The following PDE10A variants were observed in gnomAD, a reference collection of about 807,000 sequenced individuals.
The protein encoded by PDE10A is cAMP and cAMP-inhibited cGMP 3',5'-cyclic phosphodiesterase 10A.
A neutral mutation model predicts 97.7 loss-of-function variants in PDE10A; 39 were observed. The ratio of observed to expected loss-of-function variants is 0.40; its 90% CI spans 0.31 to 0.52. The LOEUF (loss-of-function observed/expected upper bound fraction) is 0.52. Ranked by LOEUF, PDE10A falls within the 20% of genes least tolerant of loss-of-function variation. The pLI, the probability that PDE10A is intolerant of heterozygous loss-of-function variation, is 0.56. For missense variants in PDE10A, 731 were observed against 1,047.8 expected (o/e 0.70, Z 4.17); for synonymous variants, 371 against 376.8 (o/e 0.98, Z 0.18).
chr6:165,884,809 G>A (rs1449902607), intron 1 of PDE10A, among the ~76,000 whole-genome samples: 1 of 152,172 alleles, frequency 6.6e-6, no homozygotes, highest in Non-Finnish European at 1.5e-5. Context: ...TGCAATGAGC[G>A]AGGCTTTGTT....
chr6:165,619,564 ATACTGTAGTCTAGCGTAGTG>A (rs1788004713), intron 1 of PDE10A, among the ~76,000 whole-genome samples: 3 of 4,426 alleles, frequency 6.8e-4, no homozygotes, highest in African/African-American at 8.3e-4. Context: ...CTAGTGTAGT[ATACTGTAGTCTAGCGTAGTG>A]TACTGTAGTC....
At chr6:165,561,214 A>G (rs1403325521) in intron 1 of PDE10A, among the ~76,000 whole-genome samples, 1 of 149,970 alleles carries the variant, frequency 6.7e-6, no homozygotes, top group East Asian at 1.9e-4. Flanking sequence ...GCAAGACTCC[A>G]ACTCAAAAAA....
chr6:165,371,882 A>T (rs1482705484), intron 18 of PDE10A, among the ~76,000 whole-genome samples: 1 of 152,132 alleles, frequency 6.6e-6, no homozygotes, highest in Non-Finnish European at 1.5e-5. Flanking sequence ...ATCCACCATG[A>T]GCAAGTGAGC....
Position 165,388,857 on chromosome 6 carries a change from C to T in PDE10A, c.2455-404G>A, listed in dbSNP as rs1463922678. Among the ~76,000 whole-genome samples the T allele has an allele frequency of 6.6e-6, 1 of 152,072 alleles. No homozygotes were observed. Among genetic ancestry groups the T allele is most frequent in the Non-Finnish European group, 1.5e-5 (1 of 68,030 alleles). ...ATGTTAAATTCTAACAATGCTATTG[C>T]TATTATAAACAATAAATATAACAGG... is the stretch of plus-strand genomic sequence containing the variant. On this transcript the variant is annotated intron_variant, in intron 16 of 21. Coordinates refer to ENST00000539869, the MANE Select transcript of PDE10A (RefSeq NM_001385079.1). The surrounding 1 kb of genome is among the most constrained non-coding windows in gnomAD (Gnocchi z 4.0).
intron 2 of PDE10A, among the ~76,000 whole-genome samples, chr6:165,529,120 T>C (rs1219516047): frequency 6.6e-6 from 1 of 152,128 alleles, no homozygotes; most frequent in Non-Finnish European, 1.5e-5. Flanking sequence ...AACGATTCCA[T>C]TAAACTGGAA....
intron 1 of PDE10A, among the ~76,000 whole-genome samples, chr6:165,584,169 C>T (rs988410170): frequency 6.6e-6 from 1 of 152,180 alleles, no homozygotes; most frequent in Non-Finnish European, 1.5e-5. Flanking sequence ...CCTGGCAGCC[C>T]TCATGGAGAA....
intron 1 of PDE10A, among the ~76,000 whole-genome samples, chr6:165,681,785 C>A (rs937797535): frequency 6.6e-6 from 1 of 152,202 alleles, no homozygotes; most frequent in Non-Finnish European, 1.5e-5. Context: ...GTTGGTTTTA[C>A]AAACTGCTCC....
intron 13 of PDE10A, among the ~76,000 whole-genome samples, chr6:165,398,884 CT>C (rs1786404422): frequency 6.6e-6 from 1 of 152,118 alleles, no homozygotes; most frequent in South Asian, 2.1e-4. Flanking sequence ...AAGTCAAAGA[CT>C]GTCAGATTGA....
chr6:165,462,547 C>T lies in PDE10A; in HGVS notation c.1024-12185G>A, dbSNP rs139740086. On this transcript the variant is annotated intron_variant, in intron 3 of 21. Coordinates refer to ENST00000539869, the MANE Select transcript of PDE10A (RefSeq NM_001385079.1). Reference sequence around the variant, plus strand: ...CTAAAACCTTATCATGAGCCAGATGCCGAGGAAGAGATTCTGGGAGGATCC... The same window carrying T: ...CTAAAACCTTATCATGAGCCAGATGTCGAGGAAGAGATTCTGGGAGGATCC... Among the ~76,000 whole-genome samples the T allele has an allele frequency of 3.7e-3, 565 of 152,284 alleles. 7 individuals carry two copies. The highest frequency in any genetic ancestry group is 0.013 in the African/African-American group (543 of 41,556).
chr6:165,440,263 GCAAA>G (rs1227360260), intron 5 of PDE10A, among the ~76,000 whole-genome samples: 1 of 152,156 alleles, frequency 6.6e-6, no homozygotes, highest in African/African-American at 2.4e-5. Context: ...CTTGAAGAAG[GCAAA>G]CAATTACTAT....
rs544139065 is a variant in PDE10A at position 165,337,348 on chromosome 6, A to G, written c.2977-1137T>C. Among the ~76,000 whole-genome samples, 4 of 152,302 alleles carry G rather than the reference A, an allele frequency of 2.6e-5. No individual in the cohort carries two copies. In the South Asian group the frequency reaches 6.2e-4, roughly 24 times the overall value. Reference sequence around the variant, plus strand: ...AGGTGACCCCAAATCACAGCTTACCAATTTCTCGAAAGTACTGAACTTCAG... The same window carrying G: ...AGGTGACCCCAAATCACAGCTTACCGATTTCTCGAAAGTACTGAACTTCAG... On this transcript the variant is annotated intron_variant, in intron 20 of 21. Transcript: ENST00000539869.
intron 1 of PDE10A, among the ~76,000 whole-genome samples, chr6:165,639,576 A>G (rs1285044947): frequency 1.3e-5 from 2 of 151,866 alleles, no homozygotes; most frequent in Non-Finnish European, 2.9e-5. Context: ...CATCTCTACT[A>G]AAAATACAAA....
rs114843583 is a variant in PDE10A, at chr6:165,335,710, C to T, written c.3065+413G>A. On this transcript the variant is annotated intron_variant, in intron 21 of 21. Coordinates refer to ENST00000539869, the MANE Select transcript of PDE10A (RefSeq NM_001385079.1). ...GCCTTGCAAGAACCACACACATGCCCTTTCTCAAAGAAAGACCTGGCACCC... is the reference window on the plus strand; with the variant it reads ...GCCTTGCAAGAACCACACACATGCCTTTTCTCAAAGAAAGACCTGGCACCC... 4.4e-3 allele frequency among the ~76,000 whole-genome samples: 668 copies of T among 152,168 alleles called. 7 individuals are homozygous for T. Among genetic ancestry groups the T allele is most frequent in the African/African-American group, 0.015 (623 of 41,520 alleles).
At chr6:165,955,934 G>A (rs1200706196) in intron 1 of PDE10A, among the ~76,000 whole-genome samples, 1 of 152,174 alleles carries the variant, frequency 6.6e-6, no homozygotes, top group East Asian at 1.9e-4. Flanking sequence ...GAAGCATCTT[G>A]TATGTTTTGT....
chr6:165,890,336 T>C (rs1034953776), intron 1 of PDE10A, among the ~76,000 whole-genome samples: 4 of 152,108 alleles, frequency 2.6e-5, no homozygotes, highest in Non-Finnish European at 4.4e-5. Flanking sequence ...ACCCTGTCAA[T>C]AGCATTTACT....
chr6:165,450,556 CTATT>C (rs573748805), intron 3 of PDE10A, among the ~76,000 whole-genome samples, 194 bp from the exon 4 acceptor site: 2 of 151,624 alleles, frequency 1.3e-5, no homozygotes, highest in East Asian at 1.9e-4. Flanking sequence ...ATTGCTATGA[CTATT>C]TATTTATTTA....
intron 2 of PDE10A, among the ~76,000 whole-genome samples, chr6:165,495,680 G>A (rs895104071): frequency 1.3e-5 from 2 of 151,950 alleles, no homozygotes; most frequent in Admixed American, 6.6e-5. Flanking sequence ...GCTCTAATCT[G>A]GTTTGACTCT....
At chr6:165,508,431 A>G (rs974463590) in intron 2 of PDE10A, among the ~76,000 whole-genome samples, 14 of 151,904 alleles carry the variant, frequency 9.2e-5, no homozygotes, top group Non-Finnish European at 1.9e-4. Context: ...ATTCCTTTGC[A>G]TGAATATACC....
chr6:165,794,368 C>T (rs1778763209), intron 1 of PDE10A, among the ~76,000 whole-genome samples: 1 of 151,786 alleles, frequency 6.6e-6, no homozygotes, highest in Non-Finnish European at 1.5e-5. Flanking sequence ...CTCACACACA[C>T]TCATACAATC....
Sources: allele counts gnomAD v4.1 joint callset (sites outside exome capture counted in the v4.1 genomes callset), GRCh38; gene constraint gnomAD v4.1.1; non-coding constraint Gnocchi (gnomAD v3.1); transcripts MANE v1.5; gene names NCBI Gene and HGNC (gene_info 2026-07-23, HGNC 2026-07-21).